ENKUR: variants seen among roughly 807,000 people sequenced by gnomAD.
ENKUR encodes the protein enkurin, TRPC channel interacting protein.
ENKUR carries 19 observed loss-of-function variants against 27.6 expected under a neutral mutation model. The observed-to-expected ratio is 0.69, with a 90% CI of 0.48 to 1.01. The LOEUF (loss-of-function observed/expected upper bound fraction) is 1.01. Ranked by LOEUF, ENKUR falls within the 50% of genes least tolerant of loss-of-function variation. The pLI is 0.00. For synonymous variants in ENKUR, 117 were observed against 96.9 expected, an observed-to-expected ratio of 1.21 and a Z score of -1.22; for missense variants, 312 against 310.5, an observed-to-expected ratio of 1.00 and a Z score of -0.04.
intron 1 of ENKUR, among the ~76,000 whole-genome samples, chr10:25,009,111 T>C (rs1182715038): frequency 6.6e-6 from 1 of 151,144 alleles, no homozygotes; most frequent in East Asian, 1.9e-4. Flanking sequence ...TGTTGTGGGG[T>C]GGGAGGAGAG....
chr10:24,997,992 G>A (rs891053231), intron 2 of ENKUR, among the ~76,000 whole-genome samples: 3 of 152,044 alleles, frequency 2.0e-5, no homozygotes, highest in African/African-American at 7.3e-5. Flanking sequence ...GCCAAGACTA[G>A]AGGAAGATAC....
At chr10:25,039,890 T>C (rs1362813797) in intron 2 of ENKUR, among the ~76,000 whole-genome samples, 2 of 150,440 alleles carry the variant, frequency 1.3e-5, no homozygotes, top group Non-Finnish European at 2.9e-5. Context: ...ATGGCACATG[T>C]ATACATATGT....
At chr10:25,022,026 T>C (rs761236037) in intron 2 of ENKUR, 5 of 152,180 alleles carry the variant, frequency 3.3e-5, no homozygotes, top group Admixed American at 1.3e-4. Flanking sequence ...TATTTTAACA[T>C]ATGATCTAGT....
chr10:25,035,424 G>A (rs1302249618), intron 2 of ENKUR, among the ~76,000 whole-genome samples: 4 of 152,096 alleles, frequency 2.6e-5, no homozygotes, highest in Non-Finnish European at 5.9e-5. Context: ...GCGTGGTGGT[G>A]CACACCTGTA....
intron 2 of ENKUR, among the ~76,000 whole-genome samples, chr10:25,035,492 T>A (rs553511719): frequency 6.6e-6 from 1 of 151,632 alleles, no homozygotes; most frequent in South Asian, 2.1e-4. Flanking sequence ...GAGGTGGAGG[T>A]TGCAGTGAGC....
chr10:25,057,543 A>G (rs971304079), intron 2 of ENKUR, among the ~76,000 whole-genome samples: 1 of 152,144 alleles, frequency 6.6e-6, no homozygotes, highest in Admixed American at 6.5e-5. Context: ...TCAATGAATT[A>G]ATTGGCTCCA....
exon 2 of ENKUR, chr10:25,061,212 G>T: frequency 6.7e-7 from 1 of 1,481,726 alleles, no homozygotes; most frequent in South Asian, 1.2e-5. Flanking sequence ...CCAGGCCCTG[G>T]GCTTTGAAAT....
intron 2 of ENKUR, among the ~76,000 whole-genome samples, chr10:25,033,199 G>A (rs1850956308): frequency 6.6e-6 from 1 of 151,950 alleles, no homozygotes; most frequent in African/African-American, 2.4e-5. Flanking sequence ...TTGAGGCCAA[G>A]AGTTCAAGAC....
At chr10:25,037,539 C>G (rs1446059225) in intron 2 of ENKUR, among the ~76,000 whole-genome samples, 1 of 152,046 alleles carries the variant, frequency 6.6e-6, no homozygotes, top group East Asian at 1.9e-4. Context: ...ATTTCCAAAC[C>G]CTCTTCCAGG....
intron 1 of ENKUR, among the ~76,000 whole-genome samples, chr10:25,004,101 C>T (rs576271931): frequency 2.0e-5 from 3 of 152,256 alleles, no homozygotes; most frequent in East Asian, 1.9e-4. Flanking sequence ...GCAAAGAATA[C>T]GATCTCATTC....
chr10:24,992,704 T>A lies in ENKUR; in HGVS notation c.448-2095A>T, dbSNP rs114934685. Among the ~76,000 whole-genome samples, 407 of 152,342 alleles carry A rather than the reference T, an allele frequency of 2.7e-3. 1 individual carries two copies. Among genetic ancestry groups the A allele is most frequent in the South Asian group, 7.9e-3 (38 of 4,822 alleles). ...AAGCAAACAATAACACTTTGTTGCT[T>A]TAAGTTACTGAAATTTGGGGATTGT... On this transcript the variant is annotated intron_variant, in intron 3 of 5. Coordinates refer to ENST00000331161, the MANE Select transcript of ENKUR (RefSeq NM_145010.4).
intron 2 of ENKUR, chr10:25,025,229 C>CA (rs776643375): frequency 2.5e-6 from 4 of 1,614,060 alleles, no homozygotes; most frequent in African/African-American, 1.3e-5. Flanking sequence ...GCCCATTACT[C>CA]AAAGTTTGCA....
In ENKUR at chr10:24,990,496, C is replaced by T. The variant is rs150585487; in HGVS notation, c.561G>A (p.Arg187=). 3 of 1,613,594 alleles carry T rather than the reference C, an allele frequency of 1.9e-6. No individual in the cohort carries two copies. The highest frequency in any genetic ancestry group is 2.5e-6 in the Non-Finnish European group (3 of 1,179,896). ...QENLKKAAMK[R]LSDEEREAVL... ...CTGCCTCCCTTTCTTCATCGGAGAGCCTTTTCATAGCTGCTTTCTTAAGGT... is the reference window on the plus strand; with the variant it reads ...CTGCCTCCCTTTCTTCATCGGAGAGTCTTTTCATAGCTGCTTTCTTAAGGT... Residue 187 remains arginine (R), a synonymous_variant, in exon 4 of 6, where the codon AGG becomes AGA. Coordinates refer to ENST00000331161, the MANE Select transcript of ENKUR (RefSeq NM_145010.4).
intron 2 of ENKUR, among the ~76,000 whole-genome samples, chr10:25,031,775 G>C (rs1235789498): frequency 7.6e-6 from 1 of 131,568 alleles, no homozygotes; most frequent in African/African-American, 2.8e-5. Context: ...ATTGCTTTCT[G>C]TTCTTGTTTC....
In ENKUR at chr10:24,983,848, C is replaced by T. The variant is rs893185895; in HGVS notation, c.*522G>A. On this transcript the variant is annotated 3_prime_UTR_variant, in exon 6 of 6. Coordinates refer to ENST00000331161, the MANE Select transcript of ENKUR (RefSeq NM_145010.4). The stretch of plus-strand genomic sequence containing the variant: ...TTAAAATTTCATAAAATAACCTTTT[C>T]CTTTTAGATATTTAGAGCTATTTTT... 1.3e-5 allele frequency: 2 copies of T among 152,020 alleles called. No homozygotes were observed. Among genetic ancestry groups the T allele is most frequent in the African/African-American group, 2.4e-5 (1 of 41,380 alleles). The allele number at this position is 152,020 out of a possible 1,614,324, so 9.4% of individuals were successfully genotyped here. A position where few individuals can be genotyped will look rare whatever the true frequency, so the allele number is the denominator to read the frequency against.
chr10:25,036,859 T>G (rs1851014727), intron 2 of ENKUR, among the ~76,000 whole-genome samples: 1 of 152,218 alleles, frequency 6.6e-6, no homozygotes, highest in Non-Finnish European at 1.5e-5. Context: ...GACAATTGCC[T>G]GCTGGTCCTT....
intron 2 of ENKUR, among the ~76,000 whole-genome samples, chr10:25,027,809 A>T (rs181147678): frequency 2.9e-4 from 44 of 151,746 alleles, no homozygotes; most frequent in African/African-American, 1.0e-3. Flanking sequence ...AGATCACACC[A>T]TGCACTCCAG....
intron 1 of ENKUR, among the ~76,000 whole-genome samples, chr10:25,012,681 C>T (rs1850478637): frequency 1.3e-5 from 2 of 152,170 alleles, no homozygotes; most frequent in Non-Finnish European, 1.5e-5. Flanking sequence ...ATGCCTGGAC[C>T]CCCATTGTAT....
intron 2 of ENKUR, chr10:25,024,804 T>G: frequency 6.2e-7 from 1 of 1,614,178 alleles, no homozygotes; most frequent in South Asian, 1.1e-5. Flanking sequence ...GAATCCCGAT[T>G]CGAAAATTTA....
Sources: allele counts gnomAD v4.1 joint callset (sites outside exome capture counted in the v4.1 genomes callset), GRCh38; gene constraint gnomAD v4.1.1; transcripts MANE v1.5; gene names NCBI Gene and HGNC (gene_info 2026-07-23, HGNC 2026-07-21).